The following APBB1IP variants were observed in gnomAD, a reference collection of about 807,000 sequenced individuals.
The protein encoded by APBB1IP is amyloid beta precursor protein binding family B member 1 interacting protein, also known as amyloid beta A4 precursor protein-binding family B member 1-interacting protein.
In APBB1IP, 27 loss-of-function variants were observed where a neutral mutation model predicts 64.9. The ratio of observed to expected loss-of-function variants is 0.42; its 90% CI spans 0.31 to 0.57. The LOEUF (loss-of-function observed/expected upper bound fraction) is 0.57, where lower values mean the gene tolerates loss of function less well. APBB1IP is among the 20% of genes least tolerant of loss of function. The probability of loss-of-function intolerance (pLI) is 0.20; values close to 1 mark genes in which losing one functional copy is unlikely to be tolerated. For synonymous variants in APBB1IP, 392 were observed against 331.0 expected (o/e 1.18, Z -2.00); for missense variants, 812 against 845.5 (o/e 0.96, Z 0.49).
chr10:26,540,171 G>T (rs1397313755), intron 10 of APBB1IP, among the ~76,000 whole-genome samples: 4 of 152,138 alleles, frequency 2.6e-5, no homozygotes, highest in African/African-American at 9.7e-5. Context: ...ATCTGTAGTA[G>T]AATAGTTAAA....
At chr10:26,505,940 T>C (rs1836170296) in intron 6 of APBB1IP, among the ~76,000 whole-genome samples, 1 of 152,068 alleles carries the variant, frequency 6.6e-6, no homozygotes, top group Admixed American at 6.6e-5. Flanking sequence ...CTGCATGACA[T>C]GGCGACCAGT....
chr10:26,477,412 T>C (rs1835788313), intron 2 of APBB1IP, among the ~76,000 whole-genome samples: 1 of 152,204 alleles, frequency 6.6e-6, no homozygotes, highest in Admixed American at 6.5e-5. Context: ...CATATTCTCA[T>C]TTTTTCACCT....
intron 8 of APBB1IP, among the ~76,000 whole-genome samples, chr10:26,524,809 G>T (rs1472391536): frequency 6.6e-6 from 1 of 152,036 alleles, no homozygotes; most frequent in East Asian, 1.9e-4. Flanking sequence ...TGGAAAGTAA[G>T]CTACACTCTA....
intron 2 of APBB1IP, among the ~76,000 whole-genome samples, chr10:26,469,143 CTT>C: frequency 6.7e-6 from 1 of 149,930 alleles, no homozygotes; most frequent in Middle Eastern, 3.5e-3. Flanking sequence ...CTTTTTGACT[CTT>C]GAAATAAGAC....
intron 2 of APBB1IP, among the ~76,000 whole-genome samples, chr10:26,444,157 G>T (rs149727874): frequency 2.1e-3 from 324 of 152,290 alleles, no homozygotes; most frequent in African/African-American, 7.6e-3. Context: ...AACAGTCGAG[G>T]CTGTAGGGCA....
At chr10:26,506,382 G>C (rs1024815348) in intron 6 of APBB1IP, among the ~76,000 whole-genome samples, 4 of 151,954 alleles carry the variant, frequency 2.6e-5, no homozygotes, top group African/African-American at 9.7e-5. Context: ...AAGTAGCTGA[G>C]ACTACAGGTA....
chr10:26,444,309 T>C (rs1475639046), intron 2 of APBB1IP, among the ~76,000 whole-genome samples: 1 of 152,124 alleles, frequency 6.6e-6, no homozygotes, highest in African/African-American at 2.4e-5. Context: ...CCAGAGGCCA[T>C]TATAAAACTT....
At chr10:26,472,694 C>T (rs573009115) in intron 2 of APBB1IP, among the ~76,000 whole-genome samples, 6 of 152,162 alleles carry the variant, frequency 3.9e-5, no homozygotes, top group Non-Finnish European at 5.9e-5. Flanking sequence ...CCCAGCACTC[C>T]GGGAGGCCAA....
chr10:26,484,598 C>T (rs1213516412), intron 2 of APBB1IP, among the ~76,000 whole-genome samples: 1 of 152,166 alleles, frequency 6.6e-6, no homozygotes. Flanking sequence ...AGCCACTGCA[C>T]CAGGCCTTTT....
chr10:26,496,452 A>G (rs987877849), intron 4 of APBB1IP, 61 bp downstream of exon 4: 100 of 1,327,558 alleles, frequency 7.5e-5, no homozygotes, highest in Non-Finnish European at 1.0e-4. Flanking sequence ...TCAAATCAGT[A>G]TGAAACTATA....
At chr10:26,501,276 A>G (rs1836096487) in intron 5 of APBB1IP, 165 bp downstream of exon 5, 1 of 918,066 alleles carries the variant, frequency 1.1e-6, no homozygotes, top group African/African-American at 1.7e-5. Context: ...ACCCTCCGTA[A>G]GCAAGCCACA....
intron 2 of APBB1IP, among the ~76,000 whole-genome samples, chr10:26,482,322 C>G (rs1835844739): frequency 6.6e-6 from 1 of 152,206 alleles, no homozygotes; most frequent in Non-Finnish European, 1.5e-5. Context: ...TACACAGAAG[C>G]CTCGGCTTCC....
intron 2 of APBB1IP, among the ~76,000 whole-genome samples, chr10:26,469,094 CT>C (rs34751713): frequency 0.37 from 54,372 of 145,390 alleles, 9,899 homozygotes; most frequent in South Asian, 0.51. Flanking sequence ...TTTTCTTCTT[CT>C]TTTTTTTTTT....
At chr10:26,493,108 T>G (rs566209037) in intron 3 of APBB1IP, among the ~76,000 whole-genome samples, 1 of 152,312 alleles carries the variant, frequency 6.6e-6, no homozygotes, top group South Asian at 2.1e-4. Flanking sequence ...GATATTTCTC[T>G]TACCCGTTTT....
intron 10 of APBB1IP, among the ~76,000 whole-genome samples, chr10:26,539,694 G>A (rs1443457935): frequency 1.3e-5 from 2 of 152,002 alleles, no homozygotes; most frequent in African/African-American, 4.8e-5. Flanking sequence ...TACAGTGAGA[G>A]AGTACATTTG....
chr10:26,522,897 G>C (rs567169520), intron 8 of APBB1IP, among the ~76,000 whole-genome samples: 1 of 151,464 alleles, frequency 6.6e-6, no homozygotes, highest in Non-Finnish European at 1.5e-5. Context: ...CCAGCTACTC[G>C]GGAGGCTGAG....
At chr10:26,552,027 A>C (rs1045532791) in intron 11 of APBB1IP, among the ~76,000 whole-genome samples, 1 of 152,172 alleles carries the variant, frequency 6.6e-6, no homozygotes, top group Admixed American at 6.5e-5. Flanking sequence ...GGGCAGGCAC[A>C]GTGGCTCATG....
intron 8 of APBB1IP, among the ~76,000 whole-genome samples, chr10:26,519,851 A>G (rs377682956): frequency 1.3e-5 from 2 of 152,222 alleles, no homozygotes; most frequent in East Asian, 1.9e-4. Context: ...CTCTGCATAC[A>G]TAGTGGCTTC....
chr10:26,556,263 C>G (rs17668999), intron 11 of APBB1IP, among the ~76,000 whole-genome samples: 4 of 152,248 alleles, frequency 2.6e-5, no homozygotes, highest in Admixed American at 2.0e-4. Flanking sequence ...AGGCAATAAG[C>G]TCCTTGGCAA....
Sources: allele counts gnomAD v4.1 joint callset (sites outside exome capture counted in the v4.1 genomes callset), GRCh38; gene constraint gnomAD v4.1.1; transcripts MANE v1.5; gene names NCBI Gene and HGNC (gene_info 2026-07-23, HGNC 2026-07-21).